Variants in ROBO2 observed in about 807,000 individuals in gnomAD.
ROBO2 encodes roundabout guidance receptor 2, also known as roundabout homolog 2.
ROBO2 carries 53 observed loss-of-function variants against 160.8 expected under a neutral mutation model. The observed-to-expected ratio is 0.33, with a 90% CI of 0.26 to 0.41. The LOEUF is 0.41. Among genes scored for constraint, ROBO2 ranks in the 10% least tolerant of loss-of-function variants. ROBO2 has a pLI of 1.00. For missense variants in ROBO2, 1,577 were observed against 1,722.4 expected (o/e 0.92, Z 1.49); for synonymous variants, 664 against 611.7 (o/e 1.09, Z -1.26).
intron 2 of ROBO2, among the ~76,000 whole-genome samples, chr3:76,310,765 G>A (rs980458501): frequency 6.6e-5 from 10 of 152,128 alleles, no homozygotes; most frequent in African/African-American, 1.7e-4. Context: ...GGCGTTATCC[G>A]TGGCGGTTCC....
rs532394948 is a variant in ROBO2 at position 76,805,175 on chromosome 3, C to A, written c.110-292839C>A. On this transcript the variant is annotated intron_variant, in intron 2 of 26. Coordinates refer to the ROBO2 transcript ENST00000487694. ...CTGTGGATAGAGTATTCAATTTTAA[C>A]TGACTTCTTTTTCCTTTTCTTTTCT... Among the ~76,000 whole-genome samples, 5 of 152,086 alleles carry A rather than the reference C, an allele frequency of 3.3e-5. No individual in the cohort carries two copies. In the South Asian group the frequency reaches 6.2e-4, roughly 19 times the overall value.
chr3:75,913,053 T>C (rs1946665848), intron 1 of ROBO2, among the ~76,000 whole-genome samples: 1 of 152,162 alleles, frequency 6.6e-6, no homozygotes, highest in Admixed American at 6.5e-5. Context: ...GTGTCTGCAG[T>C]GTTGGTTCCT....
chr3:76,702,278 G>A (rs1450131094), intron 2 of ROBO2, among the ~76,000 whole-genome samples: 2 of 152,014 alleles, frequency 1.3e-5, no homozygotes, highest in South Asian at 2.1e-4. Context: ...TGGGGGTTGT[G>A]ATGAACTGTA....
chr3:77,455,766 A>G (rs556751325), intron 2 of ROBO2, among the ~76,000 whole-genome samples: 2 of 151,360 alleles, frequency 1.3e-5, no homozygotes, highest in South Asian at 2.1e-4. Context: ...GTTTGAGGCA[A>G]TGACTAATAT....
chr3:76,913,043 A>G (rs138683573), intron 2 of ROBO2, among the ~76,000 whole-genome samples: 6 of 152,298 alleles, frequency 3.9e-5, no homozygotes, highest in Non-Finnish European at 5.9e-5. Context: ...TTTGATAGCA[A>G]ACCTTGGTGG....
intron 2 of ROBO2, among the ~76,000 whole-genome samples, chr3:76,877,005 T>C (rs932894831): frequency 8.9e-5 from 13 of 146,368 alleles, no homozygotes; most frequent in Admixed American, 2.0e-4. Flanking sequence ...CATCTACATA[T>C]GCATATATAT....
At chr3:76,460,261 C>G (rs1169060058) in intron 2 of ROBO2, among the ~76,000 whole-genome samples, 1 of 151,850 alleles carries the variant, frequency 6.6e-6, no homozygotes, top group Non-Finnish European at 1.5e-5. Context: ...TGAAAAATCC[C>G]ATAAATAGTG....
At chr3:76,018,447 CATT>C (rs2066467525) in intron 2 of ROBO2, among the ~76,000 whole-genome samples, 1 of 151,592 alleles carries the variant, frequency 6.6e-6, no homozygotes, top group African/African-American at 2.4e-5. Context: ...CTATTTCATT[CATT>C]ATTATTGTCA....
At chr3:76,895,179 A>AT (rs1162960029) in intron 2 of ROBO2, among the ~76,000 whole-genome samples, 3 of 151,336 alleles carry the variant, frequency 2.0e-5, no homozygotes, top group Non-Finnish European at 4.4e-5. Context: ...CTGGGTGATC[A>AT]TTTTTTTCTA....
intron 2 of ROBO2, among the ~76,000 whole-genome samples, chr3:76,078,122 C>T (rs911818558): frequency 3.2e-4 from 49 of 152,182 alleles, no homozygotes; most frequent in Non-Finnish European, 6.9e-4. Flanking sequence ...ATGCAACATT[C>T]ATATGATAGA....
intron 2 of ROBO2, among the ~76,000 whole-genome samples, chr3:76,026,175 G>T (rs564336881): frequency 6.6e-6 from 1 of 151,874 alleles, no homozygotes; most frequent in Non-Finnish European, 1.5e-5. Context: ...TAGATTTGAC[G>T]TAATGGTGAT....
intron 2 of ROBO2, among the ~76,000 whole-genome samples, chr3:76,381,154 C>T (rs2076603084): frequency 6.6e-6 from 1 of 151,820 alleles, no homozygotes; most frequent in South Asian, 2.1e-4. Context: ...ACCAAAAGTG[C>T]TCTCTTCGGG....
chr3:77,048,460 G>A (rs1436364595), intron 1 of ROBO2, among the ~76,000 whole-genome samples: 1 of 152,116 alleles, frequency 6.6e-6, no homozygotes, highest in Non-Finnish European at 1.5e-5. Context: ...CACACAAATG[G>A]CAATTTGTTA....
intron 2 of ROBO2, among the ~76,000 whole-genome samples, chr3:77,293,555 A>G (rs1186877050): frequency 3.4e-5 from 5 of 147,690 alleles, no homozygotes; most frequent in Non-Finnish European, 4.4e-5. Flanking sequence ...CACTAAAGAC[A>G]TAAAGTAAAA....
intron 2 of ROBO2, among the ~76,000 whole-genome samples, chr3:75,941,617 A>G (rs2107077532): frequency 6.6e-6 from 1 of 152,318 alleles, no homozygotes; most frequent in East Asian, 1.9e-4. Flanking sequence ...ACTGTAGGAA[A>G]CTTAAATTTT....
intron 2 of ROBO2, among the ~76,000 whole-genome samples, chr3:76,110,578 T>C (rs1238969117): frequency 2.0e-5 from 3 of 152,100 alleles, no homozygotes; most frequent in Non-Finnish European, 4.4e-5. Flanking sequence ...GTTAAAACAT[T>C]TATAAAATAA....
At chr3:77,069,085 G>T (rs1395376624) in intron 1 of ROBO2, among the ~76,000 whole-genome samples, 1 of 152,174 alleles carries the variant, frequency 6.6e-6, no homozygotes. Context: ...GGCAGACGCT[G>T]TGTGGCTCAC....
intron 2 of ROBO2, among the ~76,000 whole-genome samples, chr3:76,542,031 A>T (rs1458197668): frequency 2.6e-5 from 4 of 152,096 alleles, no homozygotes; most frequent in Non-Finnish European, 4.4e-5. Flanking sequence ...CTGCCACTAA[A>T]GTGCCCACTT....
rs143271115 is a variant in ROBO2 at position 76,754,893 on chromosome 3, A to G, written c.110-343121A>G. Among the ~76,000 whole-genome samples the G allele has an allele frequency of 5.7e-3, 870 of 152,050 alleles. 10 individuals are homozygous for G. The highest frequency in any genetic ancestry group is 0.019 in the African/African-American group (788 of 41,548). On this transcript the variant is annotated intron_variant, in intron 2 of 26. Transcript: ENST00000487694. ...TTTAAAATCTAATGAAGAAAATATCAGGCCTAAATGTATGCATTGTGAATT... is the reference window on the plus strand; with the variant it reads ...TTTAAAATCTAATGAAGAAAATATCGGGCCTAAATGTATGCATTGTGAATT...
Sources: allele counts gnomAD v4.1 joint callset (sites outside exome capture counted in the v4.1 genomes callset), GRCh38; gene constraint gnomAD v4.1.1; transcripts MANE v1.5; gene names NCBI Gene and HGNC (gene_info 2026-07-23, HGNC 2026-07-21).